Variants in NUP35 observed in about 807,000 individuals in gnomAD.
NUP35 encodes the protein nucleoporin NUP35.
Under a neutral mutation model 41.5 loss-of-function variants are expected in NUP35, and 25 were observed. The observed-to-expected ratio is 0.60, with a 90% CI of 0.44 to 0.84. NUP35 has a LOEUF of 0.84. Among genes scored for constraint, NUP35 ranks in the 40% least tolerant of loss-of-function variants. The pLI is 0.00. For missense variants in NUP35, 396 were observed against 396.6 expected (o/e 1.00, Z 0.01); for synonymous variants, 149 against 130.7 (o/e 1.14, Z -0.96).
intron 3 of NUP35, chr2:183,130,893 T>C: frequency 1.1e-6 from 1 of 951,638 alleles, no homozygotes; most frequent in South Asian, 2.9e-5. Flanking sequence ...TATTTAAAAA[T>C]TATGTGAAAG....
At chr2:183,144,732 G>A (rs532295978) in intron 4 of NUP35, among the ~76,000 whole-genome samples, 1 of 152,304 alleles carries the variant, frequency 6.6e-6, no homozygotes, top group Non-Finnish European at 1.5e-5. Context: ...TGGCATGTGG[G>A]CATCAGAAGT....
At chr2:183,151,478 G>T (rs748193659) in intron 4 of NUP35, 30 bp from the exon 5 acceptor site, 3 of 1,603,230 alleles carry the variant, frequency 1.9e-6, no homozygotes, top group Middle Eastern at 1.7e-4. Context: ...GTTTACACTG[G>T]CAACTAACTT....
intron 1 of NUP35, chr2:183,118,467 G>A (rs1028103857): frequency 6.6e-6 from 1 of 152,148 alleles, no homozygotes; most frequent in Non-Finnish European, 1.5e-5. Context: ...TAACTAATGT[G>A]CAGTTATGAT....
chr2:183,129,532 A>G (rs1575113922), intron 2 of NUP35, among the ~76,000 whole-genome samples: 1 of 152,242 alleles, frequency 6.6e-6, no homozygotes, highest in Admixed American at 6.5e-5. Context: ...TTAACATTAA[A>G]CATTAAATTT....
chr2:183,157,295 C>G (rs1685697812), intron 5 of NUP35, 149 bp from the exon 6 acceptor site: 1 of 657,292 alleles, frequency 1.5e-6, no homozygotes, highest in Non-Finnish European at 2.7e-6. Context: ...CAGAATTAGC[C>G]CATATCGGGG....
At chr2:183,140,789 C>T (rs1361838972) in intron 4 of NUP35, among the ~76,000 whole-genome samples, 10 of 148,144 alleles carry the variant, frequency 6.8e-5, no homozygotes, top group Non-Finnish European at 1.3e-4. Context: ...CACCACTGCA[C>T]TCCAGCCTGG....
upstream of NUP35, among the ~76,000 whole-genome samples, chr2:183,119,622 G>A (rs1161227890): frequency 2.0e-5 from 3 of 152,046 alleles, no homozygotes; most frequent in Non-Finnish European, 4.4e-5. Flanking sequence ...TTTCAACAGG[G>A]AATAATGAGA....
In NUP35 at chr2:183,130,491, T is replaced by C. The variant is rs898714692; in HGVS notation, c.285T>C (p.Tyr95=). 3 of 1,611,980 alleles carry C rather than the reference T, an allele frequency of 1.9e-6. No homozygotes were observed. The Admixed American group carries it at 5.0e-5, about 27-fold the overall frequency. Residue 95 remains tyrosine, a synonymous_variant, in exon 3 of 9, where the codon TAT becomes TAC. Coordinates refer to ENST00000295119, the MANE Select transcript of NUP35 (RefSeq NM_138285.5). ...GCGCTCCACCAGTTAGAAGTATATA[T>C]GATGACATTTCTAGCCCAGGACTTG... ...KSGAPPVRSI[Y]DDISSPGLGS...
intron 8 of NUP35, 175 bp downstream of exon 8, chr2:183,159,827 T>C (rs1007107352): frequency 8.1e-6 from 4 of 491,406 alleles, no homozygotes; most frequent in African/African-American, 6.0e-5. Context: ...TCTTGGCCAA[T>C]TGGAAAGTTA....
At chr2:183,149,640 A>T (rs573306291) in intron 4 of NUP35, among the ~76,000 whole-genome samples, 2 of 152,292 alleles carry the variant, frequency 1.3e-5, no homozygotes, top group Non-Finnish European at 2.9e-5. Context: ...CTCATGAGAG[A>T]GTCCTGGGGG....
At chr2:183,128,697 G>C (rs1163114723) in intron 2 of NUP35, among the ~76,000 whole-genome samples, 2 of 152,102 alleles carry the variant, frequency 1.3e-5, no homozygotes, top group Non-Finnish European at 2.9e-5. Flanking sequence ...GCTTCATGCG[G>C]TGTTCAAGCC....
intron 4 of NUP35, among the ~76,000 whole-genome samples, chr2:183,142,631 C>G (rs1054860811): frequency 7.7e-6 from 1 of 129,250 alleles, no homozygotes; most frequent in African/African-American, 3.4e-5. Context: ...CAGATGTGCA[C>G]CACATGCTGG....
In NUP35 at chr2:183,157,468, C is replaced by T. The variant is rs1289144381; in HGVS notation, c.564C>T (p.Tyr188=). ...GGTTTCCTCAAGCATCTGCTTCCTA[C>T]ATATTACTACAATTTGCACAGTATG... ...VFGFPQASAS[Y]ILLQFAQYGN... Residue 188 remains tyrosine (Y), a synonymous_variant, in exon 6 of 9, where the codon TAC becomes TAT. Transcript: ENST00000295119. 1 of 1,612,552 alleles carries T rather than the reference C, an allele frequency of 6.2e-7. No homozygotes were observed. The highest frequency in any genetic ancestry group is 1.3e-5 in the African/African-American group (1 of 74,998).
chr2:183,133,516 T>C (rs746181877), intron 3 of NUP35, 50 bp from the exon 4 acceptor site: 1 of 1,424,336 alleles, frequency 7.0e-7, no homozygotes, highest in Non-Finnish European at 9.8e-7. Context: ...TAACACTTAC[T>C]GTATTTATGT....
intron 4 of NUP35, among the ~76,000 whole-genome samples, chr2:183,138,269 A>ATATATATATATATATATATTTTTTT: frequency 1.2e-5 from 1 of 80,688 alleles, no homozygotes; most frequent in African/African-American, 6.2e-5. Flanking sequence ...ATATATATAT[A>ATATATATATATATATATATTTTTTT]TTTTTTTTTT....
At chr2:183,154,162 G>A (rs943132047) in intron 5 of NUP35, among the ~76,000 whole-genome samples, 40 of 152,294 alleles carry the variant, frequency 2.6e-4, no homozygotes, top group Admixed American at 5.9e-4. Flanking sequence ...CCACAAAACC[G>A]CTTTTTCCTC....
At chr2:183,158,501 T>C in intron 7 of NUP35, 90 bp downstream of exon 7, 1 of 1,155,660 alleles carries the variant, frequency 8.7e-7, no homozygotes, top group Non-Finnish European at 1.2e-6. Context: ...TCACTTGGTT[T>C]CACTGTGTCT....
At chr2:183,156,065 A>T (rs966211536) in intron 5 of NUP35, among the ~76,000 whole-genome samples, 3 of 152,130 alleles carry the variant, frequency 2.0e-5, no homozygotes, top group African/African-American at 7.2e-5. Context: ...AGGGTTATGA[A>T]ATATTCATTG....
chr2:183,130,985 C>T, intron 3 of NUP35: 2 of 1,185,264 alleles, frequency 1.7e-6, no homozygotes, highest in Non-Finnish European at 2.2e-6. Context: ...TTATTTTCTT[C>T]TTTTTTTAGG....
Sources: allele counts gnomAD v4.1 joint callset (sites outside exome capture counted in the v4.1 genomes callset), GRCh38; gene constraint gnomAD v4.1.1; transcripts MANE v1.5; gene names NCBI Gene and HGNC (gene_info 2026-07-23, HGNC 2026-07-21).